The following STK32A variants were observed in gnomAD, a reference collection of about 807,000 sequenced individuals.
The protein encoded by STK32A is serine/threonine-protein kinase 32A.
Under a neutral mutation model 53.2 loss-of-function variants are expected in STK32A, and 41 were observed. The ratio of observed to expected loss-of-function variants is 0.77; its 90% CI spans 0.60 to 1.00. The LOEUF (loss-of-function observed/expected upper bound fraction) is 1.00. Among genes scored for constraint, STK32A ranks in the 50% least tolerant of loss-of-function variants. The pLI is 0.00. For missense variants in STK32A, 458 were observed against 485.8 expected, an observed-to-expected ratio of 0.94 and a Z score of 0.54; for synonymous variants, 166 against 162.8, an observed-to-expected ratio of 1.02 and a Z score of -0.15.
chr5:147,334,573 T>A (rs1581107092), intron 5 of STK32A, among the ~76,000 whole-genome samples: 1 of 152,212 alleles, frequency 6.6e-6, no homozygotes, highest in Non-Finnish European at 1.5e-5. Context: ...TGTGGTCCCA[T>A]CTATGAAATA....
chr5:147,378,940 G>GTT lies in STK32A; in HGVS notation c.1032+3730_1032+3731dup, dbSNP rs145437189. 1.2e-4 allele frequency among the ~76,000 whole-genome samples: 15 copies of GTT among 124,150 alleles called. No homozygotes were observed. In the East Asian group the frequency reaches 1.6e-3, roughly 13 times the overall value. 81.4% of individuals were successfully genotyped at this position (124,150 alleles called of 152,430 possible). A position where few individuals can be genotyped will look rare whatever the true frequency, so the allele number is the denominator to read the frequency against. On this transcript the variant is annotated intron_variant, in intron 11 of 12. Transcript: ENST00000397936. The stretch of plus-strand genomic sequence containing the variant: ...TTGGTTCCATATACATTTGAAAATA[G>GTT]TTTTTTTTTCTAATTCTGTGAAGAA...
At chr5:147,331,004 T>C (rs1205400963) in intron 5 of STK32A, among the ~76,000 whole-genome samples, 1 of 152,216 alleles carries the variant, frequency 6.6e-6, no homozygotes, top group Non-Finnish European at 1.5e-5. Context: ...TCACATTTTA[T>C]TTTCTTGAGA....
intron 5 of STK32A, among the ~76,000 whole-genome samples, chr5:147,327,658 C>T (rs1329417542): frequency 6.6e-6 from 1 of 152,236 alleles, no homozygotes; most frequent in Non-Finnish European, 1.5e-5. Context: ...AGTTATTTCA[C>T]TCAGTCTTCC....
At chr5:147,315,781 A>G (rs2151974121) in intron 4 of STK32A, among the ~76,000 whole-genome samples, 1 of 152,318 alleles carries the variant, frequency 6.6e-6, no homozygotes, top group Admixed American at 6.5e-5. Context: ...CCAGTGGGGA[A>G]AAGGAGGGAT....
At chr5:147,271,210 T>C (rs1256505505) in intron 2 of STK32A, among the ~76,000 whole-genome samples, 1 of 152,180 alleles carries the variant, frequency 6.6e-6, no homozygotes, top group Non-Finnish European at 1.5e-5. Flanking sequence ...ATTAATACTT[T>C]TATAATTTCT....
chr5:147,264,169 C>G (rs1293836570), intron 2 of STK32A, among the ~76,000 whole-genome samples: 1 of 152,170 alleles, frequency 6.6e-6, no homozygotes, highest in East Asian at 1.9e-4. Context: ...TGCAATCCTT[C>G]TTACAAAGCT....
intron 2 of STK32A, among the ~76,000 whole-genome samples, chr5:147,277,717 G>A (rs1751831063): frequency 6.6e-6 from 1 of 152,142 alleles, no homozygotes. Context: ...GCTCAGAGAT[G>A]TTTCTCCTTA....
chr5:147,314,829 C>T (rs1753912193), intron 4 of STK32A, among the ~76,000 whole-genome samples: 1 of 151,026 alleles, frequency 6.6e-6, no homozygotes, highest in South Asian at 2.1e-4. Context: ...ACTGCAGCCT[C>T]AACATCCTGG....
the STK32A span, chr5:147,399,305 T>C: frequency 6.4e-7 from 1 of 1,553,226 alleles, no homozygotes; most frequent in South Asian, 1.2e-5. Context: ...ATATATCAAT[T>C]CAGGGCTTCT....
chr5:147,266,803 T>C lies in STK32A; in HGVS notation c.53-11321T>C, dbSNP rs145139294. ...ACTTTGGGAGGCTGAGGTGGACGGA[T>C]CACCTGAGGTCGGGAGTTCAAGACC... On this transcript the variant is annotated intron_variant, in intron 2 of 12. Transcript: ENST00000397936. Among the ~76,000 whole-genome samples, 255 of 152,198 alleles carry C rather than the reference T, an allele frequency of 1.7e-3. 4 individuals carry two copies. Among genetic ancestry groups the C allele is most frequent in the African/African-American group, 5.9e-3 (247 of 41,536 alleles).
chr5:147,253,179 G>A (rs1325234554), intron 2 of STK32A, among the ~76,000 whole-genome samples: 1 of 151,962 alleles, frequency 6.6e-6, no homozygotes, highest in Non-Finnish European at 1.5e-5. Flanking sequence ...TTGCAATTTT[G>A]TAACTTTTGA....
chr5:147,373,769 G>GT (rs894602798), intron 10 of STK32A, among the ~76,000 whole-genome samples: 6 of 152,098 alleles, frequency 3.9e-5, no homozygotes, highest in Non-Finnish European at 8.8e-5. Flanking sequence ...ATTTATATTT[G>GT]TAAGGACTGA....
At chr5:147,303,625 T>TG (rs1753247912) in intron 4 of STK32A, among the ~76,000 whole-genome samples, 1 of 152,192 alleles carries the variant, frequency 6.6e-6, no homozygotes, top group Non-Finnish European at 1.5e-5. Flanking sequence ...TGGCCAGTTT[T>TG]GCAAACAATC....
chr5:147,300,764 G>T (rs961357348), intron 4 of STK32A, among the ~76,000 whole-genome samples: 6 of 152,144 alleles, frequency 3.9e-5, no homozygotes, highest in Non-Finnish European at 7.3e-5. Context: ...GAGTGAATTT[G>T]GTCAGTTATG....
chr5:147,276,260 T>TCAC (rs1269460780), intron 2 of STK32A, among the ~76,000 whole-genome samples: 1 of 152,088 alleles, frequency 6.6e-6, no homozygotes, highest in Non-Finnish European at 1.5e-5. Context: ...AAAAAACATA[T>TCAC]CATGACATAG....
intron 2 of STK32A, among the ~76,000 whole-genome samples, chr5:147,261,173 G>A (rs1466899970): frequency 6.6e-6 from 1 of 152,204 alleles, no homozygotes; most frequent in African/African-American, 2.4e-5. Flanking sequence ...AGAGGGGAAT[G>A]CAATCCCAGA....
At chr5:147,307,179 G>A (rs1345517215) in intron 4 of STK32A, among the ~76,000 whole-genome samples, 1 of 151,550 alleles carries the variant, frequency 6.6e-6, no homozygotes. Flanking sequence ...TCTTTCTTTG[G>A]GGCATATAAA....
At chr5:147,255,962 G>A (rs763406729) in intron 2 of STK32A, among the ~76,000 whole-genome samples, 3 of 152,096 alleles carry the variant, frequency 2.0e-5, no homozygotes, top group Non-Finnish European at 2.9e-5. Flanking sequence ...GGCTTCTCTC[G>A]CTTTACGATG....
intron 2 of STK32A, among the ~76,000 whole-genome samples, chr5:147,243,973 C>T (rs1250270098): frequency 6.6e-6 from 1 of 152,144 alleles, no homozygotes; most frequent in East Asian, 1.9e-4. Context: ...ACCATCACCA[C>T]TACCCATCTT....
Sources: gnomAD v4.1 joint callset for allele counts (sites outside exome capture counted in the v4.1 genomes callset) on GRCh38, gnomAD v4.1.1 for gene constraint, MANE v1.5 for transcripts, NCBI Gene and HGNC (gene_info 2026-07-23, HGNC 2026-07-21) for gene names.